The following MGAT4C variants were observed in gnomAD, a reference collection of about 807,000 sequenced individuals.
MGAT4C encodes the protein MGAT4 family member C.
In MGAT4C, 19 loss-of-function variants were observed where a neutral mutation model predicts 40.1. The observed-to-expected ratio is 0.47, with a 90% CI of 0.33 to 0.70. The LOEUF (loss-of-function observed/expected upper bound fraction) is 0.70, where lower values mean the gene tolerates loss of function less well. Among genes scored for constraint, MGAT4C ranks in the 30% least tolerant of loss-of-function variants. The pLI is 0.02. For synonymous variants in MGAT4C, 181 were observed against 187.1 expected, an observed-to-expected ratio of 0.97 and a Z score of 0.27; for missense variants, 491 against 563.2, an observed-to-expected ratio of 0.87 and a Z score of 1.30.
At chr12:86,038,539 G>T (rs1339771660) in intron 2 of MGAT4C, among the ~76,000 whole-genome samples, 2 of 102,024 alleles carry the variant, frequency 2.0e-5, no homozygotes, top group Non-Finnish European at 4.3e-5. Flanking sequence ...TTCAACCCTT[G>T]CTTTATTTAT....
chr12:86,456,424 T>G (rs1188503197), intron 2 of MGAT4C, among the ~76,000 whole-genome samples: 1 of 152,114 alleles, frequency 6.6e-6, no homozygotes, highest in Non-Finnish European at 1.5e-5. Context: ...CAGATCTATG[T>G]GTTTCAAAAA....
At chr12:86,703,105 G>A (rs1447629935) in intron 2 of MGAT4C, among the ~76,000 whole-genome samples, 1 of 152,134 alleles carries the variant, frequency 6.6e-6, no homozygotes, top group Admixed American at 6.5e-5. Flanking sequence ...AGAGCTAGAA[G>A]ATTTGACTGA....
At chr12:86,080,313 T>C (rs1166165662) in intron 1 of MGAT4C, among the ~76,000 whole-genome samples, 1 of 152,202 alleles carries the variant, frequency 6.6e-6, no homozygotes, top group African/African-American at 2.4e-5. Context: ...GGGTAATTTA[T>C]TTGTATTATT....
Position 86,506,532 on chromosome 12 carries a change from T to C in MGAT4C, c.-228-71267A>G, listed in dbSNP as rs530931066. Among the ~76,000 whole-genome samples the C allele has an allele frequency of 3.3e-5, 5 of 152,274 alleles. No homozygotes were observed. The South Asian group carries it at 1.0e-3, about 32-fold the overall frequency. ...CAAAATTTATTTAGGAAAGAGAAAGTAGATATTTCTACAAAATCCCTTACA... is the reference window on the plus strand; with the variant it reads ...CAAAATTTATTTAGGAAAGAGAAAGCAGATATTTCTACAAAATCCCTTACA... On this transcript the variant is annotated intron_variant, in intron 2 of 7. Transcript: ENST00000548651.
At chr12:85,996,401 A>C (rs886244096) in intron 2 of MGAT4C, among the ~76,000 whole-genome samples, 2 of 152,212 alleles carry the variant, frequency 1.3e-5, no homozygotes, top group Non-Finnish European at 2.9e-5. Flanking sequence ...AAATAATACA[A>C]ATAAAGCACA....
intron 3 of MGAT4C, among the ~76,000 whole-genome samples, chr12:86,400,649 A>G (rs1355365763): frequency 6.6e-6 from 1 of 152,216 alleles, no homozygotes; most frequent in Non-Finnish European, 1.5e-5. Context: ...AAGTAACATC[A>G]TGTTTAAATT....
chr12:86,643,239 C>T (rs975478001), intron 2 of MGAT4C, among the ~76,000 whole-genome samples: 16 of 151,724 alleles, frequency 1.1e-4, no homozygotes, highest in Non-Finnish European at 1.9e-4. Flanking sequence ...AGGGCAGAGC[C>T]GCCATGACCT....
At chr12:86,466,433 T>A (rs1233415036) in intron 2 of MGAT4C, among the ~76,000 whole-genome samples, 1 of 152,122 alleles carries the variant, frequency 6.6e-6, no homozygotes, top group Non-Finnish European at 1.5e-5. Flanking sequence ...TGAGAGTGAA[T>A]CTGAAAAGGC....
chr12:86,296,920 G>C (rs1257063174), intron 4 of MGAT4C, among the ~76,000 whole-genome samples: 1 of 152,256 alleles, frequency 6.6e-6, no homozygotes, highest in Non-Finnish European at 1.5e-5. Context: ...CAGAGCGAGC[G>C]AGGGCTGTGA....
chr12:86,358,436 T>C (rs1369944875), intron 3 of MGAT4C, among the ~76,000 whole-genome samples: 3 of 152,034 alleles, frequency 2.0e-5, no homozygotes, highest in African/African-American at 7.2e-5. Context: ...GCAAAATAAC[T>C]GGCTAACATC....
rs73398111 is a variant in MGAT4C, at chr12:86,252,931, T to C, written c.-57+3308A>G. 3.3e-3 allele frequency among the ~76,000 whole-genome samples: 506 copies of C among 152,024 alleles called. 2 individuals are homozygous for C. Among genetic ancestry groups the C allele is most frequent in the African/African-American group, 0.012 (491 of 41,548 alleles). ...TCTACCACAAGCTATTTTATTCTTA[T>C]AATATTTCAGTGACCACATTCAGAA... On this transcript the variant is annotated intron_variant, in intron 1 of 4. Transcript: ENST00000611864.
chr12:86,429,660 C>T (rs1318815207), intron 3 of MGAT4C, among the ~76,000 whole-genome samples: 3 of 151,810 alleles, frequency 2.0e-5, no homozygotes, highest in Admixed American at 1.3e-4. Context: ...TAATATTCAC[C>T]CTCTTTCATA....
intron 2 of MGAT4C, among the ~76,000 whole-genome samples, chr12:86,020,533 A>G (rs967395366): frequency 1.3e-5 from 2 of 152,206 alleles, no homozygotes; most frequent in African/African-American, 4.8e-5. Context: ...GGCTAGCCAT[A>G]TGTAGAAAGC....
chr12:86,665,292 A>G (rs945785752), intron 2 of MGAT4C, among the ~76,000 whole-genome samples: 3 of 152,090 alleles, frequency 2.0e-5, no homozygotes, highest in Non-Finnish European at 4.4e-5. Flanking sequence ...CTTCTCTACA[A>G]TTTTCTTCTG....
At chr12:86,779,770 G>A (rs942525574) in intron 1 of MGAT4C, among the ~76,000 whole-genome samples, 2 of 151,644 alleles carry the variant, frequency 1.3e-5, no homozygotes, top group African/African-American at 2.4e-5. Flanking sequence ...AAAATTAGCC[G>A]GGCGTGGTGG....
In MGAT4C at chr12:86,591,941, G is replaced by T. The variant is rs144593714; in HGVS notation, c.-229+135268C>A. Among the ~76,000 whole-genome samples, 875 of 152,014 alleles carry T rather than the reference G, an allele frequency of 5.8e-3. 3 individuals carry two copies. Among genetic ancestry groups the T allele is most frequent in the African/African-American group, 0.02 (839 of 41,510 alleles). ...TAAAAACCAGCAAAGACAAAATGTTGTCAGCAAATTAATAGTATCTTATTT... is the reference window on the plus strand; with the variant it reads ...TAAAAACCAGCAAAGACAAAATGTTTTCAGCAAATTAATAGTATCTTATTT... On this transcript the variant is annotated intron_variant, in intron 2 of 7. Coordinates refer to the MGAT4C transcript ENST00000548651.
At chr12:86,360,066 C>T (rs1955424857) in intron 3 of MGAT4C, among the ~76,000 whole-genome samples, 1 of 152,154 alleles carries the variant, frequency 6.6e-6, no homozygotes, top group Non-Finnish European at 1.5e-5. Context: ...CCCTGAAGAA[C>T]ATTGATGCAA....
At chr12:86,759,335 T>C (rs1404705028) in intron 1 of MGAT4C, among the ~76,000 whole-genome samples, 1 of 152,148 alleles carries the variant, frequency 6.6e-6, no homozygotes. Context: ...TGAATAGTGC[T>C]GCAACAAAGA....
chr12:86,208,968 T>A (rs930317986), intron 1 of MGAT4C, among the ~76,000 whole-genome samples: 2 of 152,198 alleles, frequency 1.3e-5, no homozygotes, highest in African/African-American at 4.8e-5. Flanking sequence ...AAAATGATTC[T>A]CAATTTTTCA....
Sources: allele counts gnomAD v4.1 joint callset (sites outside exome capture counted in the v4.1 genomes callset), GRCh38; gene constraint gnomAD v4.1.1; transcripts MANE v1.5; gene names NCBI Gene and HGNC (gene_info 2026-07-23, HGNC 2026-07-21).